The following VPS13A variants were observed in gnomAD, a reference collection of about 807,000 sequenced individuals.
VPS13A encodes vacuolar protein sorting 13 homolog A.
Under a neutral mutation model 390.9 loss-of-function variants are expected in VPS13A, and 264 were observed. That is an observed-to-expected ratio of 0.68 (90% CI 0.61 to 0.75). The LOEUF is 0.75. Ranked by LOEUF, VPS13A falls within the 30% of genes least tolerant of loss-of-function variation. The pLI, the probability that VPS13A is intolerant of heterozygous loss-of-function variation, is 0.00. For missense variants in VPS13A, 3,409 were observed against 3,733.9 expected (o/e 0.91, Z 2.27); for synonymous variants, 1,231 against 1,227.1 (o/e 1.00, Z -0.07).
chr9:77,382,582 T>G (rs1833500175), intron 68 of VPS13A: 1 of 1,108,862 alleles, frequency 9.0e-7, no homozygotes, highest in Non-Finnish European at 1.1e-6. Context: ...ATTAAACCAC[T>G]GGTAGCTTTT....
At chr9:77,282,310 T>A (rs1281365132) in intron 29 of VPS13A, 36 bp downstream of exon 29, 1 of 1,586,450 alleles carries the variant, frequency 6.3e-7, no homozygotes, top group Non-Finnish European at 8.6e-7. Context: ...AACTTTTTTT[T>A]TTTTTAACCA....
intron 69 of VPS13A, among the ~76,000 whole-genome samples, 185 bp downstream of exon 69, chr9:77,403,506 G>A (rs1043640194): frequency 6.6e-6 from 1 of 152,142 alleles, no homozygotes; most frequent in Admixed American, 6.5e-5. Context: ...CATGCATACA[G>A]ATAAACACAG....
intron 59 of VPS13A, among the ~76,000 whole-genome samples, chr9:77,362,428 A>G (rs1563959859): frequency 1.3e-5 from 2 of 152,224 alleles, no homozygotes; most frequent in Admixed American, 6.5e-5. Context: ...TTGACACCCT[A>G]GTTGAAAATC....
chr9:77,259,963 A>G, intron 22 of VPS13A, 123 bp from the exon 23 acceptor site: 1 of 717,032 alleles, frequency 1.4e-6, no homozygotes, highest in South Asian at 2.0e-5. Context: ...GGAAATTGGA[A>G]TAGAGATTTT....
In VPS13A at chr9:77,316,237, T is replaced by G; in HGVS notation, c.4694T>G (p.Phe1565Cys). ...ATTATTAAAAATCCTGAAATTGTGT[T>G]TGTAGCTGACATGACAAAAAATGAT... is the stretch of plus-strand genomic sequence containing the variant. The part of the protein sequence containing the change: ...NVIIKNPEIV[F>C]VADMTKNDAP... Residue 1565 changes from phenylalanine to cysteine, a missense_variant, in exon 39 of 72, where the codon TTT (phenylalanine) becomes TGT (cysteine). Physicochemically the swap from Phe to Cys is radical, Grantham distance 205 (BLOSUM62 -2). Transcript: ENST00000360280. 1 of 1,613,284 alleles carries G rather than the reference T, an allele frequency of 6.2e-7. No homozygotes were observed. The highest frequency in any genetic ancestry group is 8.5e-7 in the Non-Finnish European group (1 of 1,179,400).
intron 13 of VPS13A, among the ~76,000 whole-genome samples, chr9:77,222,549 G>GT (rs1319802085): frequency 1.3e-5 from 2 of 152,134 alleles, no homozygotes; most frequent in South Asian, 2.1e-4. Flanking sequence ...CAGACATTGT[G>GT]TTTTTTACAA....
Position 77,416,042 on chromosome 9 carries a change from G to T in VPS13A, c.*36G>T. On this transcript the variant is annotated 3_prime_UTR_variant, in exon 72 of 72. Coordinates refer to ENST00000360280, the MANE Select transcript of VPS13A (RefSeq NM_033305.3). The stretch of plus-strand genomic sequence containing the variant: ...TGCCTGAAGACACACAGCAATAAGT[G>T]ATTACAGCTCCTAGACTACCTTCCA... The T allele has an allele frequency of 6.2e-7, 1 of 1,610,926 alleles. No homozygotes were observed. The highest frequency in any genetic ancestry group is 8.5e-7 in the Non-Finnish European group (1 of 1,177,480).
intron 13 of VPS13A, among the ~76,000 whole-genome samples, chr9:77,221,666 C>G (rs1008722338): frequency 6.6e-6 from 1 of 152,156 alleles, no homozygotes; most frequent in Admixed American, 6.5e-5. Context: ...TCCAACTTCT[C>G]TGTGTTGGTT....
intron 68 of VPS13A, among the ~76,000 whole-genome samples, chr9:77,400,758 G>T (rs1283240176): frequency 2.0e-5 from 3 of 150,444 alleles, no homozygotes; most frequent in Non-Finnish European, 4.4e-5. Context: ...AACCCAGGAG[G>T]CAGAGTTTGC....
Position 77,319,663 on chromosome 9 carries a change from T to G in VPS13A, c.5405T>G (p.Leu1802Arg). Residue 1802 changes from leucine to arginine, a missense_variant, in exon 42 of 72, where the codon CTT (leucine) becomes CGT (arginine). This residue lies in a region of VPS13A where 2,717 missense variants were observed against 2,917.4 expected (regional missense o/e 0.93). Coordinates refer to ENST00000360280, the MANE Select transcript of VPS13A (RefSeq NM_033305.3). Reference protein sequence around the residue: ...DQTEDFRPWNLGIKMKKKAKM... With the variant: ...DQTEDFRPWNRGIKMKKKAKM... ...ACTGAGGATTTTAGACCATGGAATC[T>G]TGGTATCAAGGTATATCTATATATG... 6.3e-7 allele frequency: 1 copy of G among 1,586,652 alleles called. No individual in the cohort carries two copies. The highest frequency in any genetic ancestry group is 1.1e-5 in the South Asian group (1 of 90,346).
intron 17 of VPS13A, among the ~76,000 whole-genome samples, chr9:77,236,716 TAAGAC>T (rs1422075624): frequency 6.6e-6 from 1 of 152,138 alleles, no homozygotes; most frequent in Non-Finnish European, 1.5e-5. Flanking sequence ...ACTCAGAAAA[TAAGAC>T]AGACTAGAGA....
chr9:77,399,926 T>C (rs1324625078), intron 68 of VPS13A, among the ~76,000 whole-genome samples: 3 of 152,180 alleles, frequency 2.0e-5, no homozygotes, highest in Non-Finnish European at 4.4e-5. Flanking sequence ...AATATAATTT[T>C]ATTTACTATA....
At position 77,281,862 on chromosome 9, in the gene VPS13A, G is replaced by T. The variant is rs1455602151; in HGVS notation, c.2905-5G>T. On this transcript the variant is annotated splice_region_variant and splice_polypyrimidine_tract_variant and intron_variant, in intron 27 of 71. Transcript: ENST00000360280. ...TTCTAACAGATTTGTTTTCTCTTTG[G>T]ATAGGCTGAAAAGAATGTACCCGAC... The T allele has an allele frequency of 1.9e-6, 3 of 1,597,010 alleles. No individual in the cohort carries two copies. The highest frequency in any genetic ancestry group is 2.6e-6 in the Non-Finnish European group (3 of 1,165,922).
intron 46 of VPS13A, 141 bp downstream of exon 46, chr9:77,332,254 A>C: frequency 1.6e-6 from 1 of 642,492 alleles, no homozygotes; most frequent in East Asian, 2.8e-5. Context: ...CTTAGATCTT[A>C]AAAAAGAAGT....
chr9:77,356,155 G>T (rs1831767585), intron 54 of VPS13A, among the ~76,000 whole-genome samples: 2 of 152,094 alleles, frequency 1.3e-5, no homozygotes, highest in Admixed American at 1.3e-4. Context: ...TTCCTGACAT[G>T]CCAGCCTCCT....
At chr9:77,271,790 AAG>A (rs1346729055) in intron 23 of VPS13A, among the ~76,000 whole-genome samples, 1 of 152,198 alleles carries the variant, frequency 6.6e-6, no homozygotes. Context: ...TACATTATAA[AAG>A]AGGAAAATAA....
intron 68 of VPS13A, among the ~76,000 whole-genome samples, chr9:77,393,466 T>C (rs1833983192): frequency 6.6e-6 from 1 of 152,230 alleles, no homozygotes; most frequent in Non-Finnish European, 1.5e-5. Flanking sequence ...CCATAAGTTT[T>C]CAATTTACTT....
At chr9:77,383,968 T>G (rs1035319718) in intron 68 of VPS13A, among the ~76,000 whole-genome samples, 3 of 138,506 alleles carry the variant, frequency 2.2e-5, no homozygotes, top group Non-Finnish European at 3.2e-5. Context: ...GGGTTTTGTT[T>G]TTTTTTTTTT....
rs927673529 is a variant in VPS13A at position 77,418,609 on chromosome 9, G to C, written c.*2603G>C. Reference sequence around the variant, plus strand: ...AAGGTCAGTTTAGTGTGGCTGAGTTGTTGTTATCTGGACCCTAAACAATCA... The same window carrying C: ...AAGGTCAGTTTAGTGTGGCTGAGTTCTTGTTATCTGGACCCTAAACAATCA... On this transcript the variant is annotated 3_prime_UTR_variant, in exon 72 of 72. Transcript: ENST00000360280. The C allele has an allele frequency of 6.6e-6, 1 of 152,110 alleles. No homozygotes were observed. The highest frequency in any genetic ancestry group is 2.4e-5 in the African/African-American group (1 of 41,422). 9.4% of individuals were successfully genotyped at this position (152,110 alleles called of 1,614,324 possible).
Sources: gnomAD v4.1 joint callset for allele counts (sites outside exome capture counted in the v4.1 genomes callset) on GRCh38, gnomAD v4.1.1 for gene constraint, gnomAD v4.1.1 regional missense constraint, MANE v1.5 for transcripts, NCBI Gene and HGNC (gene_info 2026-07-23, HGNC 2026-07-21) for gene names.